The following KCNC3 variants were observed in gnomAD, a reference collection of about 807,000 sequenced individuals.
The protein encoded by KCNC3 is voltage-gated potassium channel KCNC3.
KCNC3 carries 22 observed loss-of-function variants against 43.9 expected under a neutral mutation model. The observed-to-expected ratio is 0.50, with a 90% CI of 0.36 to 0.72. The LOEUF (loss-of-function observed/expected upper bound fraction) is 0.72. Ranked by LOEUF, KCNC3 falls within the 30% of genes least tolerant of loss-of-function variation. The pLI is 0.00. For synonymous variants in KCNC3, 492 were observed against 488.0 expected (o/e 1.01, Z -0.11); for missense variants, 829 against 1,073.8 (o/e 0.77, Z 3.19).
In KCNC3 at chr19:50,320,679, G is replaced by C. The variant is rs1601095618; in HGVS notation, c.2084C>G (p.Pro695Arg). The part of the protein sequence containing the change: ...MSPEDKSPIT[P>R]GSRGRYSRDR... ...CCGGCTATAGCGGCCACGGCTTCCAGGCGTGATGGGGCTCTTGTCTTCCGG... is the reference window on the plus strand; with the variant it reads ...CCGGCTATAGCGGCCACGGCTTCCACGCGTGATGGGGCTCTTGTCTTCCGG... Residue 695 changes from proline (P) to arginine (R), a missense_variant, in exon 3 of 5, where the codon CCT becomes CGT. By Grantham distance (103) the Pro-to-Arg change is moderately radical. This residue lies in a region of KCNC3 where 308 missense variants were observed against 276.2 expected (regional missense o/e 1.11). Coordinates refer to ENST00000477616, the MANE Select transcript of KCNC3 (RefSeq NM_004977.3). The C allele has an allele frequency of 6.2e-7, 1 of 1,613,888 alleles. No individual in the cohort carries two copies. The highest frequency in any genetic ancestry group is 2.2e-5 in the East Asian group (1 of 44,848).
At position 50,328,972 on chromosome 19, in the gene KCNC3, C is replaced by A; in HGVS notation, c.111G>T (p.Pro37=). Residue 37 remains proline (P), a synonymous_variant, in exon 1 of 5, where the codon CCG becomes CCT. Coordinates refer to ENST00000477616, the MANE Select transcript of KCNC3 (RefSeq NM_004977.3). ...PPESPPPPPL[P]PQQQQPAQPG... ...GCTGCGCAGGCTGCTGCTGCTGCGG[C>A]GGCAGCGGTGGCGGCGGCGGGGACT... 1 of 1,016,312 alleles carries A rather than the reference C, an allele frequency of 9.8e-7. No individual in the cohort carries two copies. Among genetic ancestry groups the A allele is most frequent in the Non-Finnish European group, 1.2e-6 (1 of 809,334 alleles). 63.0% of individuals were successfully genotyped at this position (1,016,312 alleles called of 1,614,324 possible).
At chr19:50,329,994 C>T (rs1022010237), upstream of KCNC3, among the ~76,000 whole-genome samples, 1 of 152,140 alleles carries the variant, frequency 6.6e-6, no homozygotes, top group Non-Finnish European at 1.5e-5. Context: ...AGGCAGGGCG[C>T]AGTGGCTCAC....
chr19:50,312,076 TG>T lies in KCNC3; in HGVS notation c.*4038del. ...GCGGTTCATGCACCCAGGGTGGGCG[TG>T]GGGGAGGCTTGGGGAAGGGGCCACG... On this transcript the variant is annotated 3_prime_UTR_variant, in exon 5 of 5. Coordinates refer to ENST00000477616, the MANE Select transcript of KCNC3 (RefSeq NM_004977.3). 8.3e-6 allele frequency: 1 copy of T among 119,996 alleles called. No individual in the cohort carries two copies. Among genetic ancestry groups the T allele is most frequent in the Non-Finnish European group, 1.8e-5 (1 of 56,394 alleles). 7.4% of individuals were successfully genotyped at this position (119,996 alleles called of 1,614,324 possible). A position where few individuals can be genotyped will look rare whatever the true frequency, so the allele number is the denominator to read the frequency against.
chr19:50,329,021 G>T lies in KCNC3; in HGVS notation c.62C>A (p.Pro21Gln), dbSNP rs1347390926. 5 of 1,329,692 alleles carry T rather than the reference G, an allele frequency of 3.8e-6. No individual in the cohort carries two copies. In the African/African-American group the frequency reaches 6.2e-5, roughly 16 times the overall value. The allele number at this position is 1,329,692 out of a possible 1,614,324, so 82.4% of individuals were successfully genotyped here. ...RGRQGASKQQ[P>Q]APPPQPPESP... is the part of the protein sequence containing the mutation. ...CTCGGGCGGCTGCGGCGGTGGCGCC[G>T]GCTGCTGCTTGCTGGCCCCCTGGCG... Residue 21 changes from proline to glutamine, a missense_variant, in exon 1 of 5, where the codon CCG (proline) becomes CAG (glutamine). Pro to Gln is a moderately conservative substitution (Grantham distance 76, BLOSUM62 -1). Transcript: ENST00000477616.
Position 50,329,261 on chromosome 19 carries a change from C to A in KCNC3, c.-179G>T. On this transcript the variant is annotated 5_prime_UTR_variant, in exon 1 of 5. Transcript: ENST00000477616. ...CTGTGGCTGGGAGGAGTGGGGCGGGCACTCTAACGCGACCCAGCTGGACGA... is the reference window on the plus strand; with the variant it reads ...CTGTGGCTGGGAGGAGTGGGGCGGGAACTCTAACGCGACCCAGCTGGACGA... The A allele has an allele frequency of 4.2e-6, 1 of 236,722 alleles. No homozygotes were observed. Among genetic ancestry groups the A allele is most frequent in the Admixed American group, 6.0e-5 (1 of 16,738 alleles). The allele number at this position is 236,722 out of a possible 1,614,324, so 14.7% of individuals were successfully genotyped here.
At chr19:50,329,985 G>A (rs1320022229), upstream of KCNC3, among the ~76,000 whole-genome samples, 3 of 152,188 alleles carry the variant, frequency 2.0e-5, no homozygotes, top group African/African-American at 7.2e-5. Flanking sequence ...AACGTCTTGA[G>A]GCAGGGCGCA....
In KCNC3 at chr19:50,313,102, A is replaced by C. The variant is rs898832727; in HGVS notation, c.*3013T>G. Reference sequence around the variant, plus strand: ...CCCGGCTCCAAAAGGGGGGTCCGCTAAAGAGTCTGGGACCGGTGTGGTCTC... The same window carrying C: ...CCCGGCTCCAAAAGGGGGGTCCGCTCAAGAGTCTGGGACCGGTGTGGTCTC... On this transcript the variant is annotated 3_prime_UTR_variant, in exon 5 of 5. Transcript: ENST00000477616. 6.7e-6 allele frequency: 1 copy of C among 150,372 alleles called. No homozygotes were observed. The highest frequency in any genetic ancestry group is 2.4e-5 in the African/African-American group (1 of 41,276). 9.3% of individuals were successfully genotyped at this position (150,372 alleles called of 1,614,324 possible).
Position 50,323,500 on chromosome 19 carries a change from T to G in KCNC3, c.1453A>C (p.Thr485Pro). 1 of 1,613,984 alleles carries G rather than the reference T, an allele frequency of 6.2e-7. No homozygotes were observed. Among genetic ancestry groups the G allele is most frequent in the Non-Finnish European group, 8.5e-7 (1 of 1,179,982 alleles). ...CCAATGGGGATGTTCTTGAAGTAGG[T>G]GTGGTTGGAGCCCAGGATGTCATCG... The part of the protein sequence containing the change: ...DPDDILGSNH[T>P]YFKNIPIGFW... Residue 485 changes from threonine to proline, a missense_variant, in exon 2 of 5, where the codon ACC becomes CCC. Physicochemically the swap from Thr to Pro is conservative, Grantham distance 38. This residue lies in a region of KCNC3 where 21 missense variants were observed against 21.0 expected (regional missense o/e 1.00). Transcript: ENST00000477616.
Position 50,313,277 on chromosome 19 carries a change from C to T in KCNC3, c.*2838G>A, listed in dbSNP as rs999384274. The T allele has an allele frequency of 6.6e-6, 1 of 152,200 alleles. No individual in the cohort carries two copies. The highest frequency in any genetic ancestry group is 6.5e-5 in the Admixed American group (1 of 15,286). The allele number at this position is 152,200 out of a possible 1,614,324, so 9.4% of individuals were successfully genotyped here. A position where few individuals can be genotyped will look rare whatever the true frequency, so the allele number is the denominator to read the frequency against. On this transcript the variant is annotated 3_prime_UTR_variant, in exon 5 of 5. Coordinates refer to ENST00000477616, the MANE Select transcript of KCNC3 (RefSeq NM_004977.3). ...GTTGTCGGTTCCCAATCTTCTGATA[C>T]TCCAGTGTTCCTCCCTTCGGGAACA...
intron 3 of KCNC3, 50 bp downstream of exon 3, chr19:50,320,543 A>T: frequency 1.3e-6 from 2 of 1,511,452 alleles, no homozygotes; most frequent in Non-Finnish European, 1.8e-6. Context: ...TCCCCTGGGC[A>T]GGGGAGAGAG....
At chr19:50,331,162 T>C (rs1270258506), upstream of KCNC3, among the ~76,000 whole-genome samples, 1 of 151,884 alleles carries the variant, frequency 6.6e-6, no homozygotes, top group Non-Finnish European at 1.5e-5. Context: ...GACCCCTCGT[T>C]TGTAAATCTG....
In KCNC3 at chr19:50,328,482, A is replaced by C; in HGVS notation, c.601T>G (p.Ser201Ala). The part of the protein sequence containing the change: ...QHRDAEEALD[S>A]FEAPDPAGAA... ...CCCGCGGGGTCGGGCGCCTCGAAGG[A>C]GTCGAGCGCCTCCTCAGCGTCGCGA... The change falls in exon 1 of 5, where the codon TCC (serine) becomes GCC (alanine). Residue 201 changes from serine (S) to alanine (A), a missense_variant. Ser to Ala is a moderately conservative substitution (Grantham distance 99, BLOSUM62 1). Transcript: ENST00000477616. 1 of 1,606,598 alleles carries C rather than the reference A, an allele frequency of 6.2e-7. No homozygotes were observed. The highest frequency in any genetic ancestry group is 8.5e-7 in the Non-Finnish European group (1 of 1,177,850).
intron 2 of KCNC3, among the ~76,000 whole-genome samples, chr19:50,322,349 G>A (rs773532524): frequency 3.3e-5 from 5 of 152,246 alleles, no homozygotes; most frequent in East Asian, 3.9e-4. Context: ...CAGCAAAGCC[G>A]ACTGACCAGG....
At chr19:50,332,433 C>A (rs1031457921), upstream of KCNC3, among the ~76,000 whole-genome samples, 1 of 152,096 alleles carries the variant, frequency 6.6e-6, no homozygotes, top group African/African-American at 2.4e-5. The surrounding 1 kb of genome is among the most constrained non-coding windows in gnomAD (Gnocchi z 5.8). Flanking sequence ...GGATTAGAGG[C>A]CATGGGAGGG....
chr19:50,329,693 G>C (rs1039530632), upstream of KCNC3: 1 of 152,484 alleles, frequency 6.6e-6, no homozygotes, highest in African/African-American at 2.4e-5. Flanking sequence ...AAACGGTCCA[G>C]ATGAGACTGC....
In KCNC3 at chr19:50,316,072, G is replaced by A. The variant is rs562905483; in HGVS notation, c.*43C>T. 1.3e-4 allele frequency: 51 copies of A among 400,168 alleles called. 1 individual carries two copies. In the South Asian group the frequency reaches 6.1e-3, roughly 48 times the overall value. 24.8% of individuals were successfully genotyped at this position (400,168 alleles called of 1,614,324 possible). A position where few individuals can be genotyped will look rare whatever the true frequency, so the allele number is the denominator to read the frequency against. The stretch of plus-strand genomic sequence containing the variant: ...CGGGGGGGACCGAAAGTCTCGCGAG[G>A]TCTCAGGCGGTGACAAGAGCTGGGG... On this transcript the variant is annotated 3_prime_UTR_variant, in exon 5 of 5. Transcript: ENST00000477616.
chr19:50,330,298 G>A (rs2037172392), upstream of KCNC3, among the ~76,000 whole-genome samples: 1 of 151,878 alleles, frequency 6.6e-6, no homozygotes, highest in African/African-American at 2.4e-5. Context: ...AAAAGAAAAC[G>A]TCTTGAATGG....
At position 50,324,135 on chromosome 19, in the gene KCNC3, G is replaced by A; in HGVS notation, c.871-53C>T. 2 of 1,523,676 alleles carry A rather than the reference G, an allele frequency of 1.3e-6. No individual in the cohort carries two copies. The highest frequency in any genetic ancestry group is 4.0e-5 in the Admixed American group (2 of 49,998). The allele number at this position is 1,523,676 out of a possible 1,614,324, so 94.4% of individuals were successfully genotyped here. A position where few individuals can be genotyped will look rare whatever the true frequency, so the allele number is the denominator to read the frequency against. ...GGAGAGGTGACCTAGGCATCAGGTT[G>A]GCCATAACATCCAGAAGACCCTTCC... On this transcript the variant is annotated intron_variant, in intron 1 of 4. Coordinates refer to ENST00000477616, the MANE Select transcript of KCNC3 (RefSeq NM_004977.3). The surrounding 1 kb of genome is among the most constrained non-coding windows in gnomAD (Gnocchi z 4.1).
chr19:50,327,275 G>A (rs114212397), intron 1 of KCNC3, among the ~76,000 whole-genome samples: 2,378 of 152,198 alleles, frequency 0.016, 61 homozygotes, highest in African/African-American at 0.054. Flanking sequence ...GCTTCTGGAG[G>A]CACTGAGGAG....
Sources: gnomAD v4.1 joint callset for allele counts (sites outside exome capture counted in the v4.1 genomes callset) on GRCh38, gnomAD v4.1.1 for gene constraint, gnomAD v4.1.1 regional missense constraint, Gnocchi (gnomAD v3.1) non-coding constraint, MANE v1.5 for transcripts, NCBI Gene and HGNC (gene_info 2026-07-23, HGNC 2026-07-21) for gene names.